TRAF3IP3: variants seen among roughly 807,000 people sequenced by gnomAD.
TRAF3IP3 encodes the protein TRAF3 interacting protein 3.
Under a neutral mutation model 86.5 loss-of-function variants are expected in TRAF3IP3, and 64 were observed. The ratio of observed to expected loss-of-function variants is 0.74; its 90% CI spans 0.60 to 0.91. The LOEUF (loss-of-function observed/expected upper bound fraction) is 0.91, where lower values mean the gene tolerates loss of function less well. Among genes scored for constraint, TRAF3IP3 ranks in the 40% least tolerant of loss-of-function variants. The probability of loss-of-function intolerance (pLI) is 0.00; values close to 1 mark genes in which losing one functional copy is unlikely to be tolerated. For missense variants in TRAF3IP3, 579 were observed against 642.9 expected, an observed-to-expected ratio of 0.90 and a Z score of 1.07; for synonymous variants, 220 against 243.9, an observed-to-expected ratio of 0.90 and a Z score of 0.91.
intron 8 of TRAF3IP3, among the ~76,000 whole-genome samples, chr1:209,770,237 A>G (rs2077438459): frequency 6.6e-6 from 1 of 152,200 alleles, no homozygotes; most frequent in Non-Finnish European, 1.5e-5. Flanking sequence ...ACTCTGCTTT[A>G]ATATCTCTCC....
intron 13 of TRAF3IP3, chr1:209,778,524 G>A (rs1044541464): frequency 7.0e-5 from 16 of 227,350 alleles, no homozygotes; most frequent in African/African-American, 3.4e-4. Flanking sequence ...ATTAGAGATG[G>A]TTTAGAAAAT....
At chr1:209,775,292 C>G in intron 9 of TRAF3IP3, 57 bp from the exon 10 acceptor site, 1 of 1,521,604 alleles carries the variant, frequency 6.6e-7, no homozygotes, top group African/African-American at 1.4e-5. Flanking sequence ...TATCCCAGCT[C>G]AGGATTTGGC....
chr1:209,759,905 C>A, intron 2 of TRAF3IP3, 77 bp from the exon 3 acceptor site: 1 of 693,696 alleles, frequency 1.4e-6, no homozygotes, highest in Non-Finnish European at 2.5e-6. Context: ...TATTTCTGCC[C>A]CCTGGTCTAG....
intron 11 of TRAF3IP3, chr1:209,776,301 G>A (rs2077653193): frequency 6.6e-6 from 1 of 152,286 alleles, no homozygotes; most frequent in African/African-American, 2.4e-5. Context: ...TGAGTATTAA[G>A]TAAGATGATC....
intron 13 of TRAF3IP3, chr1:209,779,059 C>G (rs1031359945): frequency 1.8e-6 from 1 of 541,884 alleles, no homozygotes; most frequent in Admixed American, 3.4e-5. Flanking sequence ...TATAAGGACA[C>G]CAGTGATATT....
intron 8 of TRAF3IP3, chr1:209,768,329 T>C (rs915775473): frequency 1.0e-6 from 1 of 985,432 alleles, no homozygotes; most frequent in East Asian, 1.1e-4. Context: ...TTGGATACCA[T>C]AGGCTCTGGG....
intron 8 of TRAF3IP3, among the ~76,000 whole-genome samples, chr1:209,765,256 A>AGGAG (rs2077333334): frequency 6.9e-6 from 1 of 145,480 alleles, no homozygotes; most frequent in Non-Finnish European, 1.5e-5. Context: ...GAAGGAAGGA[A>AGGAG]GGAAGGAAGG....
Position 209,760,250 on chromosome 1 carries a change from C to A in TRAF3IP3, c.211C>A (p.Leu71Met), listed in dbSNP as rs758462613. The change falls in exon 3 of 17, where the codon CTG becomes ATG. Residue 71 changes from leucine (L) to methionine (M), a missense_variant. By Grantham distance (15) the Leu-to-Met change is conservative. Transcript: ENST00000367025. ...RLQQFFRRRN[L>M]ELEEKGKAQH... ...GCAGCAGTTCTTCAGGAGGAGGAAC[C>A]TGGAGCTAGAGGAGAAGGGCAAAGC... is the stretch of plus-strand genomic sequence containing the variant. The A allele has an allele frequency of 1.2e-6, 2 of 1,614,258 alleles. No homozygotes were observed. The highest frequency in any genetic ancestry group is 8.5e-7 in the Non-Finnish European group (1 of 1,180,046).
At position 209,781,461 on chromosome 1, in the gene TRAF3IP3, A is replaced by G. The variant is rs768790789; in HGVS notation, c.1563+3A>G. On this transcript the variant is annotated splice_donor_region_variant and intron_variant, in intron 16 of 16. Coordinates refer to ENST00000367025, the MANE Select transcript of TRAF3IP3 (RefSeq NM_025228.4). ...AGAGCCAGCAGCTGCCTCCCAGAGT[A>G]AGAGGGTCTCTCCTTCCCATAAAGC... is the stretch of plus-strand genomic sequence containing the variant. The G allele has an allele frequency of 4.4e-6, 7 of 1,607,268 alleles. No homozygotes were observed. The East Asian group carries it at 1.6e-4, about 36-fold the overall frequency.
chr1:209,770,870 T>G (rs2077476559), intron 8 of TRAF3IP3, among the ~76,000 whole-genome samples: 1 of 122,674 alleles, frequency 8.2e-6, no homozygotes. Flanking sequence ...AGTGTGTGTG[T>G]GCCATGTGGA....
intron 1 of TRAF3IP3, among the ~76,000 whole-genome samples, chr1:209,757,271 A>C (rs145160998): frequency 3.3e-5 from 5 of 152,314 alleles, no homozygotes; most frequent in South Asian, 2.1e-4. Context: ...CAGTGGACTA[A>C]GGTTGGTGGC....
rs1470581004 is a variant in TRAF3IP3 at position 209,782,068 on chromosome 1, C to T, written c.1576C>T (p.Arg526Ter). The change falls in exon 17 of 17, where the codon CGA (arginine) becomes TGA (stop). Residue 526 changes from arginine (R) to a stop codon, truncating the protein, a stop_gained. Transcript: ENST00000367025. LOFTEE classifies it high-confidence loss of function. ...TGTCCCCCTACAGAGGCAATGTGGG[C>T]GATGGCTCCCAGTGCTGATGGTGGT... ...QQLPPRRQCG[R>*]WLPVLMVVIA... is the part of the protein sequence containing the mutation. 2.5e-6 allele frequency: 4 copies of T among 1,614,018 alleles called. No individual in the cohort carries two copies. Among genetic ancestry groups the T allele is most frequent in the East Asian group, 2.2e-5 (1 of 44,884 alleles).
At chr1:209,774,171 A>C (rs1310372145) in intron 9 of TRAF3IP3, among the ~76,000 whole-genome samples, 2 of 152,254 alleles carry the variant, frequency 1.3e-5, no homozygotes, top group Admixed American at 1.3e-4. Context: ...GAAAGGGAGA[A>C]GGCAAGACCC....
intron 8 of TRAF3IP3, among the ~76,000 whole-genome samples, chr1:209,770,619 T>A (rs1473242243): frequency 7.7e-6 from 1 of 130,006 alleles, no homozygotes; most frequent in Non-Finnish European, 1.6e-5. Context: ...TGTGTGCAGC[T>A]GGAAGTTGTG....
intron 8 of TRAF3IP3, among the ~76,000 whole-genome samples, chr1:209,772,347 T>C (rs2077563441): frequency 6.6e-6 from 1 of 152,110 alleles, no homozygotes; most frequent in Non-Finnish European, 1.5e-5. Flanking sequence ...ACATCCATCA[T>C]ATTGGATTAG....
rs906777466 is a variant in TRAF3IP3, at chr1:209,781,588, A to C, written c.1563+130A>C. 6.4e-6 allele frequency: 4 copies of C among 622,898 alleles called. No homozygotes were observed. The Admixed American group carries it at 8.5e-5, about 13-fold the overall frequency. The allele number at this position is 622,898 out of a possible 1,614,324, so 38.6% of individuals were successfully genotyped here. A position where few individuals can be genotyped will look rare whatever the true frequency, so the allele number is the denominator to read the frequency against. On this transcript the variant is annotated intron_variant, in intron 16 of 16. Transcript: ENST00000367025. ...TCCTGTCCCACTGTGCTTGGTTTAT[A>C]CTATACTGACATTATGGCAACCATT...
intron 1 of TRAF3IP3, among the ~76,000 whole-genome samples, chr1:209,757,263 G>T (rs529126944): frequency 6.6e-6 from 1 of 152,352 alleles, no homozygotes; most frequent in East Asian, 1.9e-4. Context: ...GTGTGTTTCA[G>T]TGGACTAAGG....
chr1:209,775,477 A>G lies in TRAF3IP3; in HGVS notation c.903A>G (p.Leu301=). 6.2e-7 allele frequency: 1 copy of G among 1,614,224 alleles called. No homozygotes were observed. The highest frequency in any genetic ancestry group is 1.6e-4 in the Middle Eastern group (1 of 6,062). Residue 301 remains leucine (L), a synonymous_variant, in exon 10 of 17, where the codon CTA becomes CTG. Coordinates refer to ENST00000367025, the MANE Select transcript of TRAF3IP3 (RefSeq NM_025228.4). ...AGAAAATGAATGCAGAGCAGCAACT[A>G]CAGAGCACACAGGTATGGGGATGCC... ...LEEKMNAEQQ[L]QSTQRSLALA...
chr1:209,762,487 T>C, intron 3 of TRAF3IP3, 28 bp from the exon 4 acceptor site: 1 of 1,440,192 alleles, frequency 6.9e-7, no homozygotes, highest in Non-Finnish European at 9.2e-7. Context: ...CAGGCAGTGG[T>C]TTTCAGCATT....
Sources: gnomAD v4.1 joint callset for allele counts (sites outside exome capture counted in the v4.1 genomes callset) on GRCh38, gnomAD v4.1.1 for gene constraint, MANE v1.5 for transcripts, NCBI Gene and HGNC (gene_info 2026-07-23, HGNC 2026-07-21) for gene names.